The following ZNF426 variants were observed in gnomAD, a reference collection of about 807,000 sequenced individuals.
ZNF426 encodes CTC-543D15.7.
In ZNF426, 23 loss-of-function variants were observed where a neutral mutation model predicts 24.0. The ratio of observed to expected loss-of-function variants is 0.96; its 90% CI spans 0.69 to 1.36. The LOEUF (loss-of-function observed/expected upper bound fraction) is 1.36, where lower values mean the gene tolerates loss of function less well. Among genes scored for constraint, ZNF426 ranks in the 40% most tolerant of loss-of-function variants. The probability of loss-of-function intolerance (pLI) is 0.00; values close to 1 mark genes in which losing one functional copy is unlikely to be tolerated. For missense variants in ZNF426, 646 were observed against 658.4 expected (o/e 0.98, Z 0.21); for synonymous variants, 272 against 224.6 (o/e 1.21, Z -1.89).
intron 2 of ZNF426, among the ~76,000 whole-genome samples, chr19:9,536,866 G>A (rs1449993065): frequency 2.0e-5 from 3 of 151,322 alleles, no homozygotes; most frequent in Admixed American, 2.0e-4. Flanking sequence ...TGGGCAGGGT[G>A]GCTCACGCCT....
chr19:9,536,556 A>G (rs2073968622), intron 2 of ZNF426, 200 bp from the exon 3 acceptor site: 1 of 352,130 alleles, frequency 2.8e-6, no homozygotes, highest in Non-Finnish European at 5.1e-6. Flanking sequence ...AAATAAAAAT[A>G]AGTAAACAAA....
rs10420644 is a variant in ZNF426 at position 9,529,390 on chromosome 19, T to C, written c.655A>G (p.Thr219Ala). The change falls in exon 8 of 8, where the codon ACA becomes GCA. Residue 219 changes from threonine to alanine, a missense_variant. Physicochemically the swap from Thr to Ala is moderately conservative, Grantham distance 58. Transcript: ENST00000253115. Reference sequence around the variant, plus strand: ...CTACATTCAAATGACTTTTCTTGTGTGCTAGTTCTCTGGTATACAATATTT... The same window carrying C: ...CTACATTCAAATGACTTTTCTTGTGCGCTAGTTCTCTGGTATACAATATTT... ...TPNIVYQRTS[T>A]QEKSFECSHC... is the part of the protein sequence containing the mutation. 1.1e-3 allele frequency: 1,695 copies of C among 1,614,098 alleles called. 15 individuals carry two copies. The African/African-American group carries it at 0.021, about 20-fold the overall frequency.
rs372117700 is a variant in ZNF426, at chr19:9,529,187, T to C, written c.858A>G (p.Gly286=). 1 of 1,614,096 alleles carries C rather than the reference T, an allele frequency of 6.2e-7. No individual in the cohort carries two copies. Among genetic ancestry groups the C allele is most frequent in the Non-Finnish European group, 8.5e-7 (1 of 1,180,042 alleles). The change falls in exon 8 of 8, where the codon GGA becomes GGG. Residue 286 remains glycine, a synonymous_variant. Transcript: ENST00000253115. ...GGTAGGCTGGGTATCTATAGCCTTT[T>C]CCACATTCCTTACATTTGTAGGGCT... is the stretch of plus-strand genomic sequence containing the variant. ...AKKPYKCKEC[G]KGYRYPAYLS...
chr19:9,535,139 TG>T, intron 4 of ZNF426, 48 bp downstream of exon 4: 2 of 1,398,490 alleles, frequency 1.4e-6, no homozygotes, highest in Admixed American at 1.9e-5. Context: ...TGTGTCTACC[TG>T]GTGGATGCAA....
chr19:9,529,075 G>A lies in ZNF426; in HGVS notation c.970C>T (p.Gln324Ter). Residue 324 changes from glutamine (Q) to a stop codon, truncating the protein, a stop_gained, in exon 8 of 8, where the codon CAG becomes TAG. Transcript: ENST00000253115. LOFTEE classifies it low-confidence loss of function (END_TRUNC). ...CCAGTGTGAGTTCTTCCATGTATCT[G>A]AAATGAGTTGGAATAATTGAAGGCT... Reference protein sequence around the residue: ...GKAFNYSNSFQIHGRTHTGEK... With the variant: ...GKAFNYSNSF 6.2e-7 allele frequency: 1 copy of A among 1,613,238 alleles called. No homozygotes were observed. Among genetic ancestry groups the A allele is most frequent in the Non-Finnish European group, 8.5e-7 (1 of 1,179,754 alleles).
At chr19:9,533,006 T>A in intron 5 of ZNF426, 81 bp from the exon 6 acceptor site, 1 of 1,180,056 alleles carries the variant, frequency 8.5e-7, no homozygotes. Flanking sequence ...ACTACAGATC[T>A]AATGAAAGTG....
At position 9,529,273 on chromosome 19, in the gene ZNF426, CA is replaced by C; in HGVS notation, c.771del (p.Tyr257Ter). On this transcript the variant is annotated frameshift_variant, in exon 8 of 8. Coordinates refer to ENST00000253115, the MANE Select transcript of ZNF426 (RefSeq NM_024106.3). LOFTEE classifies it low-confidence loss of function (END_TRUNC). Reference protein sequence around the residue: ...NGEKLYEWRNYGPGFIDSTSL... With the variant: ...NGEKLYEWRNXGPGFIDSTSL... ...CTTGTAGAGTCAATAAAACCTGGCC[CA>C]TAATTCCTCCATTCGTAGAGTTTTT... is the stretch of plus-strand genomic sequence containing the variant. The C allele has an allele frequency of 6.2e-7, 1 of 1,613,838 alleles. No homozygotes were observed. The highest frequency in any genetic ancestry group is 1.1e-5 in the South Asian group (1 of 90,982).
chr19:9,534,068 G>C, intron 4 of ZNF426, 102 bp from the exon 5 acceptor site: 1 of 1,501,610 alleles, frequency 6.7e-7, no homozygotes, highest in East Asian at 2.3e-5. Context: ...GGATTCCAAG[G>C]GCTGCAGTGA....
chr19:9,533,620 G>A (rs573288453), intron 5 of ZNF426, among the ~76,000 whole-genome samples: 2 of 152,294 alleles, frequency 1.3e-5, no homozygotes, highest in African/African-American at 4.8e-5. Flanking sequence ...GTTTCTGGGT[G>A]GAGAAGGAAA....
intron 7 of ZNF426, among the ~76,000 whole-genome samples, chr19:9,530,642 G>A (rs908610101): frequency 2.0e-5 from 3 of 148,300 alleles, no homozygotes; most frequent in African/African-American, 7.5e-5. Context: ...CATGCCTGTA[G>A]TCCCAGCTAC....
chr19:9,530,265 C>T (rs556236533), intron 7 of ZNF426, among the ~76,000 whole-genome samples: 1 of 151,906 alleles, frequency 6.6e-6, no homozygotes, highest in Non-Finnish European at 1.5e-5. Context: ...CCAGCCTGGG[C>T]AACATGGCAA....
Position 9,527,674 on chromosome 19 carries a change from C to T in ZNF426, c.*706G>A, listed in dbSNP as rs1315401888. On this transcript the variant is annotated 3_prime_UTR_variant, in exon 8 of 8. Coordinates refer to ENST00000253115, the MANE Select transcript of ZNF426 (RefSeq NM_024106.3). ...TTAAGGCTTTTGGACAATCTATAAA[C>T]GTTTTTGCTTATTGCTTACTGTATT... is the stretch of plus-strand genomic sequence containing the variant. 6 of 152,168 alleles carry T rather than the reference C, an allele frequency of 3.9e-5. No homozygotes were observed. The highest frequency in any genetic ancestry group is 1.4e-4 in the African/African-American group (6 of 41,440). 9.4% of individuals were successfully genotyped at this position (152,168 alleles called of 1,614,324 possible).
intron 7 of ZNF426, among the ~76,000 whole-genome samples, chr19:9,530,234 T>C (rs1213538684): frequency 3.3e-5 from 5 of 152,086 alleles, no homozygotes; most frequent in Admixed American, 3.3e-4. Flanking sequence ...GGGTGGATCA[T>C]TTGAACCCAG....
In ZNF426 at chr19:9,523,694, A is replaced by G. The variant is rs1568477579; in HGVS notation, c.*4686T>C. 1 of 152,254 alleles carries G rather than the reference A, an allele frequency of 6.6e-6. No homozygotes were observed. The highest frequency in any genetic ancestry group is 2.1e-4 in the South Asian group (1 of 4,836). 9.4% of individuals were successfully genotyped at this position (152,254 alleles called of 1,614,324 possible). A position where few individuals can be genotyped will look rare whatever the true frequency, so the allele number is the denominator to read the frequency against. ...ACTGTTCCAGTTCAGATCATCAGGC[A>G]TTAGATTCTCATAAGGAGTGTGCAA... On this transcript the variant is annotated 3_prime_UTR_variant, in exon 8 of 8. Transcript: ENST00000253115.
intron 2 of ZNF426, among the ~76,000 whole-genome samples, chr19:9,537,451 CTTTTT>C (rs199870394): frequency 2.2e-5 from 3 of 137,894 alleles, no homozygotes; most frequent in Non-Finnish European, 4.6e-5. Flanking sequence ...ATATTTAACT[CTTTTT>C]TTTTTTTTTT....
At chr19:9,532,288 T>C (rs953196947) in intron 6 of ZNF426, among the ~76,000 whole-genome samples, 1 of 147,630 alleles carries the variant, frequency 6.8e-6, no homozygotes, top group Non-Finnish European at 1.5e-5. Flanking sequence ...CTTTTTTTTT[T>C]TTTTTTTTTT....
At chr19:9,532,494 C>T (rs1336777827) in intron 6 of ZNF426, among the ~76,000 whole-genome samples, 1 of 151,758 alleles carries the variant, frequency 6.6e-6, no homozygotes, top group Non-Finnish European at 1.5e-5. Context: ...ACAAGGTTCT[C>T]GGTATGTTGC....
intron 7 of ZNF426, among the ~76,000 whole-genome samples, chr19:9,530,383 G>A (rs2144769056): frequency 6.7e-6 from 1 of 149,602 alleles, no homozygotes; most frequent in Admixed American, 6.6e-5. Flanking sequence ...TGAGCCAAGG[G>A]GTCAAGGCTT....
At position 9,524,351 on chromosome 19, in the gene ZNF426, T is replaced by C. The variant is rs1445899208; in HGVS notation, c.*4029A>G. 6.6e-6 allele frequency: 1 copy of C among 152,242 alleles called. No individual in the cohort carries two copies. The highest frequency in any genetic ancestry group is 2.4e-5 in the African/African-American group (1 of 41,466). The allele number at this position is 152,242 out of a possible 1,614,324, so 9.4% of individuals were successfully genotyped here. ...AGAAGTGGTTCCAGATTCCCAACTC[T>C]CACAGCATTTTTCTACAATGTGACT... is the stretch of plus-strand genomic sequence containing the variant. On this transcript the variant is annotated 3_prime_UTR_variant, in exon 8 of 8. Transcript: ENST00000253115.
Sources: allele counts gnomAD v4.1 joint callset (sites outside exome capture counted in the v4.1 genomes callset), GRCh38; gene constraint gnomAD v4.1.1; transcripts MANE v1.5; gene names NCBI Gene and HGNC (gene_info 2026-07-23, HGNC 2026-07-21).